The following SULF1 variants were observed in gnomAD, a reference collection of about 807,000 sequenced individuals.
The protein encoded by SULF1 is extracellular sulfatase Sulf-1.
Under a neutral mutation model 110.5 loss-of-function variants are expected in SULF1, and 46 were observed. The observed-to-expected ratio is 0.42, with a 90% CI of 0.33 to 0.53. SULF1 has a LOEUF of 0.53. Ranked by LOEUF, SULF1 falls within the 20% of genes least tolerant of loss-of-function variation. The pLI is 0.12. For synonymous variants in SULF1, 371 were observed against 387.1 expected, an observed-to-expected ratio of 0.96 and a Z score of 0.49; for missense variants, 941 against 1,094.2, an observed-to-expected ratio of 0.86 and a Z score of 1.98.
At chr8:69,494,377 C>A (rs918078319) in intron 1 of SULF1, among the ~76,000 whole-genome samples, 2 of 152,022 alleles carry the variant, frequency 1.3e-5, no homozygotes, top group Non-Finnish European at 2.9e-5. Context: ...ATTTATTTCA[C>A]ATCAACTTTC....
intron 3 of SULF1, among the ~76,000 whole-genome samples, chr8:69,536,462 A>C (rs1224086106): frequency 6.6e-6 from 1 of 152,196 alleles, no homozygotes; most frequent in Non-Finnish European, 1.5e-5. Flanking sequence ...ACTACTATAT[A>C]TCAGAAGACA....
At chr8:69,480,881 A>T (rs2150541567) in intron 1 of SULF1, among the ~76,000 whole-genome samples, 1 of 112,704 alleles carries the variant, frequency 8.9e-6, no homozygotes, top group Admixed American at 1.1e-4. Flanking sequence ...CACTCTGGGG[A>T]CTGTTGTGGG....
intron 13 of SULF1, among the ~76,000 whole-genome samples, chr8:69,610,708 T>A (rs1808578182): frequency 6.6e-6 from 1 of 152,164 alleles, no homozygotes; most frequent in South Asian, 2.1e-4. Flanking sequence ...AAGACAAACA[T>A]GAGAATAGGC....
chr8:69,626,394 C>T (rs1810028778), intron 15 of SULF1, among the ~76,000 whole-genome samples: 1 of 152,260 alleles, frequency 6.6e-6, no homozygotes, highest in South Asian at 2.1e-4. Context: ...CACGTCCCCA[C>T]CAGACTCAGG....
At chr8:69,602,274 G>A (rs1257994506) in intron 10 of SULF1, among the ~76,000 whole-genome samples, 1 of 152,192 alleles carries the variant, frequency 6.6e-6, no homozygotes, top group African/African-American at 2.4e-5. Context: ...AGGAAAAAGA[G>A]CTAAAGGACT....
At chr8:69,548,614 A>ATTTTTT (rs3059933) in intron 3 of SULF1, among the ~76,000 whole-genome samples, 12 of 120,902 alleles carry the variant, frequency 9.9e-5, no homozygotes, top group African/African-American at 3.3e-4. Context: ...TGCCTCGCTG[A>ATTTTTT]TTTTTTTTTT....
At chr8:69,505,184 T>A in intron 3 of SULF1, among the ~76,000 whole-genome samples, 1 of 152,196 alleles carries the variant, frequency 6.6e-6, no homozygotes, top group East Asian at 1.9e-4. Flanking sequence ...TATTCACATA[T>A]GAGAAGACAC....
chr8:69,505,091 A>T (rs1198235465), intron 3 of SULF1, among the ~76,000 whole-genome samples: 2 of 152,208 alleles, frequency 1.3e-5, no homozygotes, highest in African/African-American at 2.4e-5. Flanking sequence ...AGGAGATACT[A>T]TAAGCAAATC....
intron 5 of SULF1, among the ~76,000 whole-genome samples, chr8:69,573,085 C>A (rs1409584954): frequency 6.6e-6 from 1 of 152,160 alleles, no homozygotes; most frequent in Non-Finnish European, 1.5e-5. Context: ...CCTTGGCCTC[C>A]CAAAGTGCCG....
intron 8 of SULF1, among the ~76,000 whole-genome samples, chr8:69,591,669 A>C (rs940290120): frequency 6.6e-6 from 1 of 152,218 alleles, no homozygotes; most frequent in African/African-American, 2.4e-5. Context: ...GACACTATGC[A>C]GCCCAGCAGG....
chr8:69,521,035 C>T (rs980048040), intron 3 of SULF1, among the ~76,000 whole-genome samples: 35 of 152,124 alleles, frequency 2.3e-4, no homozygotes, highest in African/African-American at 8.4e-4. Flanking sequence ...CTGCTTGGAA[C>T]CTATTCTAAT....
chr8:69,502,171 G>A (rs182264470), intron 3 of SULF1, among the ~76,000 whole-genome samples: 116 of 152,304 alleles, frequency 7.6e-4, no homozygotes, highest in Non-Finnish European at 1.3e-3. Flanking sequence ...GTAGAGCCAT[G>A]TCACGAAATC....
At chr8:69,555,759 G>A (rs62512996) in intron 3 of SULF1, among the ~76,000 whole-genome samples, 5,674 of 152,140 alleles carry the variant, frequency 0.037, 147 homozygotes, top group Non-Finnish European at 0.057. Context: ...ATAGTATTTC[G>A]AGAAATGATT....
intron 1 of SULF1, among the ~76,000 whole-genome samples, chr8:69,471,192 T>C (rs895047849): frequency 4.6e-5 from 7 of 152,218 alleles, no homozygotes; most frequent in African/African-American, 1.7e-4. Context: ...TTCTGCTCTA[T>C]AGTTTGCTTC....
At chr8:69,579,624 T>G (rs1332753526) in intron 6 of SULF1, among the ~76,000 whole-genome samples, 2 of 151,726 alleles carry the variant, frequency 1.3e-5, no homozygotes, top group Non-Finnish European at 2.9e-5. Flanking sequence ...ATAATTTAAT[T>G]TATCCTTGAT....
intron 3 of SULF1, 164 bp from the exon 4 acceptor site, chr8:69,563,375 T>C (rs1815646666): frequency 6.6e-6 from 1 of 152,320 alleles, no homozygotes; most frequent in Admixed American, 6.5e-5. Context: ...TTAGCAGTTC[T>C]GAAAGTTGTT....
At position 69,545,433 on chromosome 8, in the gene SULF1, G is replaced by A. The variant is rs568218788; in HGVS notation, c.-133-18106G>A. Among the ~76,000 whole-genome samples, 17 of 152,270 alleles carry A rather than the reference G, an allele frequency of 1.1e-4. No homozygotes were observed. In the East Asian group the frequency reaches 2.7e-3, roughly 24 times the overall value. On this transcript the variant is annotated intron_variant, in intron 3 of 22. Transcript: ENST00000402687. ...GCAAAAACCAAAATAGGGCCTTATTGACTAAAGGTTTTATTCTCTCAAGTA... is the reference window on the plus strand; with the variant it reads ...GCAAAAACCAAAATAGGGCCTTATTAACTAAAGGTTTTATTCTCTCAAGTA...
At chr8:69,467,377 G>C (rs1318831458) in intron 1 of SULF1, among the ~76,000 whole-genome samples, 1 of 152,202 alleles carries the variant, frequency 6.6e-6, no homozygotes, top group African/African-American at 2.4e-5. Flanking sequence ...GGCAGAGGTG[G>C]AAGTGCTTTC....
At chr8:69,537,650 A>G (rs1315992045) in intron 3 of SULF1, among the ~76,000 whole-genome samples, 4 of 152,224 alleles carry the variant, frequency 2.6e-5, no homozygotes, top group Admixed American at 2.6e-4. Flanking sequence ...TTTTTACCAC[A>G]AAGGGGGAAA....
Sources: gnomAD v4.1 joint callset for allele counts (sites outside exome capture counted in the v4.1 genomes callset) on GRCh38, gnomAD v4.1.1 for gene constraint, MANE v1.5 for transcripts, NCBI Gene and HGNC (gene_info 2026-07-23, HGNC 2026-07-21) for gene names.